The following RALB variants were observed in gnomAD, a reference collection of about 807,000 sequenced individuals.
The protein encoded by RALB is ras-related protein Ral-B.
A neutral mutation model predicts 21.3 loss-of-function variants in RALB; 16 were observed. That is an observed-to-expected ratio of 0.75 (90% CI 0.51 to 1.14). The LOEUF is 1.14. Among genes scored for constraint, RALB ranks in the 50% most tolerant of loss-of-function variants. The pLI is 0.00. For missense variants in RALB, 161 were observed against 256.2 expected (o/e 0.63, Z 2.54); for synonymous variants, 93 against 96.1 (o/e 0.97, Z 0.19).
At chr2:120,268,643 C>T (rs1171792435) in intron 1 of RALB, among the ~76,000 whole-genome samples, 1 of 152,170 alleles carries the variant, frequency 6.6e-6, no homozygotes. Context: ...CACTGCACTG[C>T]AGCCTAGGTG....
At chr2:120,289,238 C>CT (rs1188115492) in intron 3 of RALB, among the ~76,000 whole-genome samples, 2,401 of 101,202 alleles carry the variant, frequency 0.024, 86 homozygotes, top group African/African-American at 0.071. Flanking sequence ...CATTTTTCTT[C>CT]TTTTTGTTTT....
chr2:120,288,757 A>C (rs889167268), intron 3 of RALB, among the ~76,000 whole-genome samples: 1 of 152,218 alleles, frequency 6.6e-6, no homozygotes, highest in African/African-American at 2.4e-5. Context: ...CTTTTGAAGT[A>C]CTTTTCCATA....
At chr2:120,273,585 A>T (rs974950032) in intron 1 of RALB, among the ~76,000 whole-genome samples, 10 of 152,238 alleles carry the variant, frequency 6.6e-5, no homozygotes, top group Non-Finnish European at 1.0e-4. Flanking sequence ...TCCCTGAACA[A>T]GGAAAGGATC....
chr2:120,278,550 G>A (rs1689904177), intron 1 of RALB, 68 bp from the exon 2 acceptor site: 3 of 1,313,884 alleles, frequency 2.3e-6, no homozygotes, highest in African/African-American at 1.5e-5. Context: ...TGGAGGATGT[G>A]AATGACATTT....
upstream of RALB, chr2:120,252,709 C>G: frequency 1.1e-6 from 1 of 922,082 alleles, no homozygotes; most frequent in Non-Finnish European, 1.3e-6. Context: ...CCCGGCCGCC[C>G]GCTGCTTGGA....
chr2:120,249,505 A>T (rs1392624369), upstream of RALB, among the ~76,000 whole-genome samples: 1 of 152,160 alleles, frequency 6.6e-6, no homozygotes, highest in Non-Finnish European at 1.5e-5. Flanking sequence ...CGGAAGGCAT[A>T]GTGGGAGCAG....
chr2:120,246,552 C>T (rs757530316), intron 1 of RALB, among the ~76,000 whole-genome samples: 9 of 152,342 alleles, frequency 5.9e-5, no homozygotes, highest in Non-Finnish European at 8.8e-5. Flanking sequence ...CTTCCTAACT[C>T]GGGTCTTCAT....
At chr2:120,265,404 T>C (rs1005957063) in intron 1 of RALB, among the ~76,000 whole-genome samples, 2 of 152,268 alleles carry the variant, frequency 1.3e-5, no homozygotes, top group African/African-American at 2.4e-5. Context: ...TTGTATTATG[T>C]GGTCTGTCAT....
At chr2:120,245,567 C>T (rs910837211) in intron 1 of RALB, among the ~76,000 whole-genome samples, 1 of 152,204 alleles carries the variant, frequency 6.6e-6, no homozygotes, top group Non-Finnish European at 1.5e-5. Context: ...GGAATCGGAC[C>T]TCCTGCTAGT....
At chr2:120,277,704 TGTGTGTGATAGTGCGTGTGTGATA>T (rs1689854455) in intron 1 of RALB, among the ~76,000 whole-genome samples, 1 of 150,944 alleles carries the variant, frequency 6.6e-6, no homozygotes, top group Non-Finnish European at 1.5e-5. Context: ...TGTATGTGGG[TGTGTGTGATAGTGCGTGTGTGATA>T]GTGTGTGAGC....
intron 1 of RALB, chr2:120,253,808 C>T (rs1034783219): frequency 2.9e-6 from 2 of 687,422 alleles, no homozygotes; most frequent in East Asian, 1.3e-4. Flanking sequence ...GCTGATTGCT[C>T]ATCTGGGTTA....
intron 2 of RALB, among the ~76,000 whole-genome samples, chr2:120,283,653 G>T (rs1476243223): frequency 2.0e-5 from 3 of 152,184 alleles, no homozygotes; most frequent in African/African-American, 7.2e-5. Context: ...AGTAAGGTTG[G>T]GGATGGAGAG....
chr2:120,249,222 A>T (rs1406524497), upstream of RALB, among the ~76,000 whole-genome samples: 2 of 151,974 alleles, frequency 1.3e-5, no homozygotes, highest in African/African-American at 4.8e-5. Flanking sequence ...TTTAGTAGAG[A>T]TGGGGTTTCA....
chr2:120,252,383 C>T (rs1689073502), upstream of RALB, among the ~76,000 whole-genome samples: 1 of 152,236 alleles, frequency 6.6e-6, no homozygotes, highest in Non-Finnish European at 1.5e-5. Flanking sequence ...CGCCCCAAGA[C>T]CCCCGGGCGG....
chr2:120,254,639 TTCCA>T (rs1237096594), intron 1 of RALB, among the ~76,000 whole-genome samples: 1 of 151,998 alleles, frequency 6.6e-6, no homozygotes, highest in African/African-American at 2.4e-5. Context: ...TGGCTTGAGA[TTCCA>T]TGAAAAATTT....
At chr2:120,271,277 A>G (rs191987484) in intron 1 of RALB, among the ~76,000 whole-genome samples, 14 of 152,332 alleles carry the variant, frequency 9.2e-5, no homozygotes, top group African/African-American at 3.4e-4. Flanking sequence ...TTCTCAAGTG[A>G]ATATATGTTC....
upstream of RALB, chr2:120,252,696 C>T: frequency 1.2e-6 from 1 of 859,626 alleles, no homozygotes; most frequent in Non-Finnish European, 1.4e-6. Flanking sequence ...GTGAAACCTC[C>T]TCCCCGGCCG....
chr2:120,262,635 G>A (rs1689394848), intron 1 of RALB, among the ~76,000 whole-genome samples: 2 of 152,158 alleles, frequency 1.3e-5, no homozygotes, highest in South Asian at 4.1e-4. Flanking sequence ...ACGTGGCTGG[G>A]GAGGTGGCAG....
At chr2:120,262,070 G>A (rs947190140) in intron 1 of RALB, among the ~76,000 whole-genome samples, 3 of 152,200 alleles carry the variant, frequency 2.0e-5, no homozygotes, top group Admixed American at 2.0e-4. Context: ...GACGACAGGA[G>A]TTGGGTAGAA....
Sources: allele counts gnomAD v4.1 joint callset (sites outside exome capture counted in the v4.1 genomes callset), GRCh38; gene constraint gnomAD v4.1.1; transcripts MANE v1.5; gene names NCBI Gene and HGNC (gene_info 2026-07-23, HGNC 2026-07-21).